The following RBFOX1 variants were observed in gnomAD, a reference collection of about 807,000 sequenced individuals.
RBFOX1 encodes RNA binding protein fox-1 homolog 1.
In RBFOX1, 8 loss-of-function variants were observed where a neutral mutation model predicts 57.7. The observed-to-expected ratio is 0.14, with a 90% CI of 0.08 to 0.25. The LOEUF (loss-of-function observed/expected upper bound fraction) is 0.25. RBFOX1 is among the 10% of genes least tolerant of loss of function. The probability of loss-of-function intolerance (pLI) is 1.00; values close to 1 mark genes in which losing one functional copy is unlikely to be tolerated. For missense variants in RBFOX1, 611 were observed against 548.5 expected (o/e 1.11, Z -1.14); for synonymous variants, 326 against 222.4 (o/e 1.47, Z -4.15).
intron 1 of RBFOX1, among the ~76,000 whole-genome samples, chr16:5,327,174 A>T (rs1217387059): frequency 1.3e-5 from 2 of 152,186 alleles, no homozygotes; most frequent in East Asian, 3.8e-4. Context: ...TCACCTGGAG[A>T]TTCCAAAAAT....
intron 2 of RBFOX1, among the ~76,000 whole-genome samples, chr16:6,496,687 C>T (rs561932857): frequency 3.3e-5 from 5 of 152,214 alleles, no homozygotes; most frequent in African/African-American, 9.6e-5. Context: ...TGGCCGGGCA[C>T]GGTGTCTCAT....
intron 2 of RBFOX1, among the ~76,000 whole-genome samples, chr16:6,595,856 C>T (rs985716089): frequency 1.3e-5 from 2 of 151,992 alleles, no homozygotes; most frequent in African/African-American, 4.8e-5. Context: ...GTTGTATCTT[C>T]TTTGGACAAA....
At chr16:6,112,432 T>C (rs1450966765) in intron 1 of RBFOX1, among the ~76,000 whole-genome samples, 3 of 152,226 alleles carry the variant, frequency 2.0e-5, no homozygotes, top group African/African-American at 4.8e-5. Flanking sequence ...GACTCACGCC[T>C]GTAATCCCAG....
intron 1 of RBFOX1, among the ~76,000 whole-genome samples, chr16:6,034,401 C>T (rs1393843892): frequency 4.2e-5 from 6 of 144,220 alleles, no homozygotes; most frequent in Non-Finnish European, 9.0e-5. Context: ...GTTGTTTTCT[C>T]ATAGTTTTGG....
intron 4 of RBFOX1, among the ~76,000 whole-genome samples, chr16:7,301,281 G>T (rs1202174588): frequency 6.6e-6 from 1 of 152,216 alleles, no homozygotes; most frequent in Admixed American, 6.5e-5. Flanking sequence ...GTGTTTATGG[G>T]AAGGGGACTT....
chr16:6,503,851 T>A (rs1368836320), intron 2 of RBFOX1, among the ~76,000 whole-genome samples: 1 of 152,168 alleles, frequency 6.6e-6, no homozygotes, highest in Non-Finnish European at 1.5e-5. Context: ...GGCCATTGTT[T>A]GCATCTACCC....
chr16:7,020,040 C>G (rs1433163111), intron 3 of RBFOX1, among the ~76,000 whole-genome samples: 2 of 147,598 alleles, frequency 1.4e-5, no homozygotes, highest in Non-Finnish European at 3.0e-5. Flanking sequence ...GTAGTGTTTT[C>G]TAGATCAGCT....
chr16:6,825,130 A>C (rs545622607), intron 3 of RBFOX1, among the ~76,000 whole-genome samples: 87 of 150,544 alleles, frequency 5.8e-4, no homozygotes, highest in African/African-American at 2.1e-3. Context: ...CCAAGTAGCT[A>C]GGATTAACAA....
At chr16:6,073,558 C>T (rs1001353879) in intron 1 of RBFOX1, among the ~76,000 whole-genome samples, 3 of 152,134 alleles carry the variant, frequency 2.0e-5, no homozygotes, top group African/African-American at 2.4e-5. Context: ...GCATTTCCCC[C>T]GTGTTTGCTT....
At chr16:6,023,206 C>T (rs955257077) in intron 1 of RBFOX1, among the ~76,000 whole-genome samples, 9 of 151,826 alleles carry the variant, frequency 5.9e-5, no homozygotes, top group South Asian at 2.1e-4. Context: ...TGGGTCTGAG[C>T]GGGTTTCTCC....
intron 3 of RBFOX1, among the ~76,000 whole-genome samples, chr16:5,751,184 C>T (rs9933139): frequency 6.6e-6 from 1 of 151,988 alleles, no homozygotes; most frequent in African/African-American, 2.4e-5. Context: ...GTTTGAGGAG[C>T]TCTCCCCGAA....
intron 9 of RBFOX1, among the ~76,000 whole-genome samples, chr16:7,599,541 G>T (rs1356653559): frequency 6.6e-6 from 1 of 151,818 alleles, no homozygotes; most frequent in Non-Finnish European, 1.5e-5. Context: ...CATTTTAAGT[G>T]CACTGGACAC....
At chr16:7,178,547 C>G (rs1036093273) in intron 4 of RBFOX1, among the ~76,000 whole-genome samples, 19 of 152,140 alleles carry the variant, frequency 1.2e-4, no homozygotes, top group African/African-American at 4.1e-4. Context: ...GGCAAAGAAC[C>G]TATCTGCATG....
intron 4 of RBFOX1, among the ~76,000 whole-genome samples, chr16:7,380,608 G>A (rs1477139618): frequency 6.6e-6 from 1 of 152,110 alleles, no homozygotes; most frequent in Non-Finnish European, 1.5e-5. Flanking sequence ...CCAAACTCTG[G>A]TCTGCTTTCA....
chr16:7,681,362 G>C (rs567729911), intron 14 of RBFOX1, among the ~76,000 whole-genome samples: 1 of 152,164 alleles, frequency 6.6e-6, no homozygotes, highest in South Asian at 2.1e-4. Context: ...ACAGAAAATA[G>C]GACTAAATCC....
chr16:7,457,303 C>T (rs1026113016), intron 4 of RBFOX1, among the ~76,000 whole-genome samples: 14 of 152,104 alleles, frequency 9.2e-5, no homozygotes, highest in African/African-American at 1.4e-4. Context: ...CACTATCTTC[C>T]GATCTGTGTC....
At chr16:6,485,261 G>C (rs1254755888) in intron 2 of RBFOX1, among the ~76,000 whole-genome samples, 2 of 152,116 alleles carry the variant, frequency 1.3e-5, no homozygotes, top group East Asian at 3.9e-4. Context: ...CCCTCTATTA[G>C]AATACTCAGA....
rs143222580 is a variant in RBFOX1 at position 5,609,558 on chromosome 16, C to T, written c.318+10597C>T. Reference sequence around the variant, plus strand: ...GTGTCAAGCATGTAGAGATGTCCACCGTGTCAGCGAAGGTTGACCCAGCGT... The same window carrying T: ...GTGTCAAGCATGTAGAGATGTCCACTGTGTCAGCGAAGGTTGACCCAGCGT... On this transcript the variant is annotated intron_variant, in intron 3 of 19. Transcript: ENST00000641259. Among the ~76,000 whole-genome samples the T allele has an allele frequency of 3.1e-3, 475 of 152,274 alleles. 2 individuals are homozygous for T. Among genetic ancestry groups the T allele is most frequent in the Admixed American group, 0.022 (333 of 15,286 alleles).
chr16:7,405,556 G>A (rs902866676), intron 4 of RBFOX1, among the ~76,000 whole-genome samples: 6 of 152,142 alleles, frequency 3.9e-5, no homozygotes, highest in Non-Finnish European at 8.8e-5. Context: ...TATGCCTCCC[G>A]TGTGCGCCTC....
Sources: gnomAD v4.1 joint callset for allele counts (sites outside exome capture counted in the v4.1 genomes callset) on GRCh38, gnomAD v4.1.1 for gene constraint, MANE v1.5 for transcripts, NCBI Gene and HGNC (gene_info 2026-07-23, HGNC 2026-07-21) for gene names.